MAEA: variants seen among roughly 807,000 people sequenced by gnomAD.
MAEA encodes the protein E3 ubiquitin-protein transferase MAEA.
A neutral mutation model predicts 46.2 loss-of-function variants in MAEA; 22 were observed. That is an observed-to-expected ratio of 0.48 (90% CI 0.34 to 0.68). The LOEUF is 0.68. Ranked by LOEUF, MAEA falls within the 30% of genes least tolerant of loss-of-function variation. The probability of loss-of-function intolerance (pLI) is 0.01; values close to 1 mark genes in which losing one functional copy is unlikely to be tolerated. For missense variants in MAEA, 393 were observed against 558.1 expected (o/e 0.70, Z 2.98); for synonymous variants, 246 against 222.6 (o/e 1.11, Z -0.94).
chr4:1,292,783 G>T (rs1051179643), intron 1 of MAEA, among the ~76,000 whole-genome samples: 1 of 152,108 alleles, frequency 6.6e-6, no homozygotes, highest in Non-Finnish European at 1.5e-5. Flanking sequence ...CTTGCGTCCT[G>T]GCTGTGGCTG....
intron 1 of MAEA, among the ~76,000 whole-genome samples, chr4:1,292,985 C>A (rs1474528710): frequency 1.3e-5 from 2 of 150,900 alleles, no homozygotes; most frequent in Admixed American, 1.3e-4. Flanking sequence ...CCTCTGCCTC[C>A]CAGATTCAAG....
intron 1 of MAEA, among the ~76,000 whole-genome samples, chr4:1,293,794 G>T (rs1327080492): frequency 6.6e-6 from 1 of 152,248 alleles, no homozygotes; most frequent in African/African-American, 2.4e-5. Context: ...TGCATGTTCT[G>T]CCTTTGGTTT....
At chr4:1,315,776 C>T (rs1487203605) in intron 3 of MAEA, among the ~76,000 whole-genome samples, 176 bp downstream of exon 3, 2 of 115,498 alleles carry the variant, frequency 1.7e-5, no homozygotes, top group African/African-American at 6.6e-5. Context: ...GTCCCCCCTC[C>T]AGTGTGTGTG....
At chr4:1,305,678 C>T (rs1443189546) in intron 1 of MAEA, among the ~76,000 whole-genome samples, 1 of 152,120 alleles carries the variant, frequency 6.6e-6, no homozygotes, top group Non-Finnish European at 1.5e-5. Flanking sequence ...TTCTGGGTGC[C>T]GGGGTTCTCC....
intron 1 of MAEA, among the ~76,000 whole-genome samples, chr4:1,300,908 C>T (rs547393914): frequency 1.3e-5 from 2 of 152,204 alleles, no homozygotes. Flanking sequence ...AGGGTATGTG[C>T]TGTGCTTGGG....
At chr4:1,298,307 C>T (rs1180474647) in intron 1 of MAEA, among the ~76,000 whole-genome samples, 1 of 148,096 alleles carries the variant, frequency 6.8e-6, no homozygotes, top group Non-Finnish European at 1.5e-5. Flanking sequence ...CCTGCCCCAT[C>T]CCTGTGACCT....
intron 6 of MAEA, chr4:1,336,014 T>C (rs1203942656): frequency 1.2e-4 from 9 of 77,776 alleles, no homozygotes; most frequent in East Asian, 4.3e-4. Flanking sequence ...CTGCAGTGTG[T>C]TGAAATCACA....
chr4:1,327,748 TCG>T, intron 5 of MAEA, 45 bp downstream of exon 5: 3 of 1,553,132 alleles, frequency 1.9e-6, no homozygotes, highest in Non-Finnish European at 2.7e-6. Context: ...GGCAGGATGT[TCG>T]GCTGCGGCCC....
intron 1 of MAEA, among the ~76,000 whole-genome samples, chr4:1,307,251 C>T (rs1223522627): frequency 1.3e-5 from 2 of 152,124 alleles, no homozygotes; most frequent in African/African-American, 4.8e-5. Flanking sequence ...ACAGTCATAC[C>T]ATCTATATCA....
At chr4:1,303,476 T>C (rs1387999179) in intron 1 of MAEA, among the ~76,000 whole-genome samples, 1 of 150,794 alleles carries the variant, frequency 6.6e-6, no homozygotes, top group East Asian at 2.0e-4. Flanking sequence ...AACAAATAGG[T>C]ATACGAATAC....
intron 1 of MAEA, among the ~76,000 whole-genome samples, chr4:1,304,288 T>G (rs529805946): frequency 6.6e-6 from 1 of 152,274 alleles, no homozygotes; most frequent in East Asian, 1.9e-4. Flanking sequence ...GATTATTTAT[T>G]GTTTGTTTAT....
Position 1,303,876 on chromosome 4 carries a change from G to A in MAEA, c.70-8103G>A, listed in dbSNP as rs547940087. 4.2e-5 allele frequency among the ~76,000 whole-genome samples: 6 copies of A among 141,998 alleles called. No homozygotes were observed. The South Asian group carries it at 8.7e-4, about 21-fold the overall frequency. 93.2% of individuals were successfully genotyped at this position (141,998 alleles called of 152,430 possible). ...CTGAAGAGCATGCTTGCACAGTGCCGGCAGGGCAGGGGGGTCCGGCAGGGC... is the reference window on the plus strand; with the variant it reads ...CTGAAGAGCATGCTTGCACAGTGCCAGCAGGGCAGGGGGGTCCGGCAGGGC... On this transcript the variant is annotated intron_variant, in intron 1 of 8. Transcript: ENST00000303400.
At chr4:1,337,886 G>C (rs1173156603) in intron 7 of MAEA, 1 of 171,934 alleles carries the variant, frequency 5.8e-6, no homozygotes, top group Non-Finnish European at 1.3e-5. Context: ...CTGTCCTCCT[G>C]CAACTGACTC....
intron 1 of MAEA, among the ~76,000 whole-genome samples, chr4:1,294,410 A>G (rs544708384): frequency 1.3e-5 from 2 of 151,934 alleles, no homozygotes; most frequent in African/African-American, 2.4e-5. Context: ...TTTAAGTATT[A>G]TTTTTTTAAC....
chr4:1,317,454 G>T (rs542410170), intron 3 of MAEA, among the ~76,000 whole-genome samples: 1 of 151,528 alleles, frequency 6.6e-6, no homozygotes, highest in Non-Finnish European at 1.5e-5. Flanking sequence ...CATTTGTCCC[G>T]CACCTCGTTC....
Position 1,319,763 on chromosome 4 carries a change from A to C in MAEA, c.457-2618A>C, listed in dbSNP as rs546272445. Reference sequence around the variant, plus strand: ...TCAAAAAAAAAAAAATGGTTTTTCAAGTTGCAAAACAAAGTAAGACTTTGT... The same window carrying C: ...TCAAAAAAAAAAAAATGGTTTTTCACGTTGCAAAACAAAGTAAGACTTTGT... On this transcript the variant is annotated intron_variant, in intron 3 of 8. Coordinates refer to ENST00000303400, the MANE Select transcript of MAEA (RefSeq NM_001017405.3). Among the ~76,000 whole-genome samples the C allele has an allele frequency of 8.6e-5, 12 of 139,652 alleles. No individual in the cohort carries two copies. In the East Asian group the frequency reaches 2.6e-3, roughly 31 times the overall value. 91.6% of individuals were successfully genotyped at this position (139,652 alleles called of 152,430 possible). A position where few individuals can be genotyped will look rare whatever the true frequency, so the allele number is the denominator to read the frequency against.
At chr4:1,312,252 A>T (rs1010604271) in intron 2 of MAEA, 91 bp downstream of exon 2, 2 of 1,500,832 alleles carry the variant, frequency 1.3e-6, no homozygotes, top group Non-Finnish European at 1.8e-6. Context: ...AGCTGCAATG[A>T]TGGGAACGCG....
rs187459148 is a variant in MAEA, at chr4:1,305,081, A to G, written c.70-6898A>G. 5.3e-5 allele frequency among the ~76,000 whole-genome samples: 8 copies of G among 152,128 alleles called. No homozygotes were observed. In the East Asian group the frequency reaches 1.5e-3, roughly 29 times the overall value. On this transcript the variant is annotated intron_variant, in intron 1 of 8. Coordinates refer to ENST00000303400, the MANE Select transcript of MAEA (RefSeq NM_001017405.3). ...TTAATACCGTGGACTTCTCTTCACCATCTTATTTTGCTTTCTATTTCCCAT... is the reference window on the plus strand; with the variant it reads ...TTAATACCGTGGACTTCTCTTCACCGTCTTATTTTGCTTTCTATTTCCCAT...
At chr4:1,314,794 G>A (rs1027932073) in intron 2 of MAEA, among the ~76,000 whole-genome samples, 1 of 152,236 alleles carries the variant, frequency 6.6e-6, no homozygotes, top group Non-Finnish European at 1.5e-5. Context: ...TTTCTGCACA[G>A]CAGTTGGAAG....
Sources: allele counts gnomAD v4.1 joint callset (sites outside exome capture counted in the v4.1 genomes callset), GRCh38; gene constraint gnomAD v4.1.1; transcripts MANE v1.5; gene names NCBI Gene and HGNC (gene_info 2026-07-23, HGNC 2026-07-21).